The following EYS variants were observed in gnomAD, a reference collection of about 807,000 sequenced individuals.
EYS encodes EGF-like photoreceptor maintenance factor, also known as protein eyes shut homolog.
Under a neutral mutation model 282.1 loss-of-function variants are expected in EYS, and 250 were observed. That is an observed-to-expected ratio of 0.89 (90% CI 0.80 to 0.98). The LOEUF (loss-of-function observed/expected upper bound fraction) is 0.98. Among genes scored for constraint, EYS ranks in the 50% least tolerant of loss-of-function variants. The pLI is 0.00. For missense variants in EYS, 4,016 were observed against 3,709.0 expected, an observed-to-expected ratio of 1.08 and a Z score of -2.15; for synonymous variants, 1,355 against 1,282.9, an observed-to-expected ratio of 1.06 and a Z score of -1.20.
rs367630559 is a variant in EYS at position 64,598,213 on chromosome 6, C to A, written c.3685-4904G>T. On this transcript the variant is annotated intron_variant, in intron 24 of 42. Coordinates refer to ENST00000503581, the MANE Select transcript of EYS (RefSeq NM_001142800.2). ...TGGTGGCTCACGCCTGTAATCCCAG[C>A]ACTTTGGGAGGCCCAGGTGGGCGGA... Among the ~76,000 whole-genome samples the A allele has an allele frequency of 3.3e-5, 5 of 152,332 alleles. No individual in the cohort carries two copies. The Middle Eastern group carries it at 0.014, about 415-fold the overall frequency.
chr6:64,127,281 A>G (rs1773817585), intron 31 of EYS, among the ~76,000 whole-genome samples: 1 of 152,204 alleles, frequency 6.6e-6, no homozygotes, highest in South Asian at 2.1e-4. Context: ...ACAGTATTGT[A>G]TGGGTATAAT....
chr6:65,518,673 A>G (rs1767231889), intron 2 of EYS, among the ~76,000 whole-genome samples: 1 of 152,170 alleles, frequency 6.6e-6, no homozygotes, highest in South Asian at 2.1e-4. Context: ...ATAAGTGTAT[A>G]TTAGTAGGTT....
Position 64,442,083 on chromosome 6 carries a change from GT to G in EYS, c.5645-2732del, listed in dbSNP as rs1258010134. On this transcript the variant is annotated intron_variant, in intron 26 of 42. Transcript: ENST00000503581. ...AAAGTTTGGAATTCCCTAGAGACTT[GT>G]TGAATGGCTTTGACCAAAATGCTGA... 2.0e-5 allele frequency among the ~76,000 whole-genome samples: 3 copies of G among 152,288 alleles called. No homozygotes were observed. In the South Asian group the frequency reaches 6.2e-4, roughly 32 times the overall value.
chr6:63,860,004 A>T (rs1772494461), intron 36 of EYS, among the ~76,000 whole-genome samples: 1 of 152,228 alleles, frequency 6.6e-6, no homozygotes, highest in Non-Finnish European at 1.5e-5. Context: ...GCAAAAAGGC[A>T]AAGTCCCAGA....
At chr6:65,055,078 G>C (rs1773374782) in intron 13 of EYS, among the ~76,000 whole-genome samples, 1 of 151,940 alleles carries the variant, frequency 6.6e-6, no homozygotes, top group African/African-American at 2.4e-5. Context: ...ACCTTATGGG[G>C]TCAACCAATC....
At chr6:65,065,549 T>A (rs1307680410) in intron 12 of EYS, among the ~76,000 whole-genome samples, 1 of 100,428 alleles carries the variant, frequency 1.0e-5, no homozygotes, top group East Asian at 2.5e-4. Context: ...CGCCTGGCTA[T>A]TTTTTTTTTT....
intron 35 of EYS, among the ~76,000 whole-genome samples, chr6:63,983,121 A>G (rs6934646): frequency 0.35 from 52,674 of 151,460 alleles, 9,211 homozygotes; most frequent in South Asian, 0.38. Context: ...GATAACGTTC[A>G]CTCTTAGCCC....
intron 14 of EYS, among the ~76,000 whole-genome samples, chr6:64,953,055 T>A (rs886718801): frequency 2.6e-5 from 4 of 151,912 alleles, no homozygotes; most frequent in African/African-American, 9.6e-5. Flanking sequence ...AAGACTTTTT[T>A]AAAAGAATTC....
At chr6:64,107,188 C>T (rs1773044121) in intron 31 of EYS, among the ~76,000 whole-genome samples, 1 of 147,134 alleles carries the variant, frequency 6.8e-6, no homozygotes, top group East Asian at 2.0e-4. Flanking sequence ...GATGTTTGTA[C>T]AGTCCCTTCA....
At chr6:65,150,672 AT>A (rs36138380) in intron 12 of EYS, among the ~76,000 whole-genome samples, 1 of 146,342 alleles carries the variant, frequency 6.8e-6, no homozygotes, top group Non-Finnish European at 1.5e-5. Flanking sequence ...ACTTTTTCTT[AT>A]TTTTTATCAT....
intron 29 of EYS, among the ~76,000 whole-genome samples, chr6:64,326,220 AAG>A (rs1770417145): frequency 6.6e-6 from 1 of 152,208 alleles, no homozygotes; most frequent in South Asian, 2.1e-4. Context: ...CTCAAGTTAA[AAG>A]AGAATATTAA....
chr6:65,422,346 A>T (rs1006966073), intron 5 of EYS, among the ~76,000 whole-genome samples: 1 of 151,944 alleles, frequency 6.6e-6, no homozygotes, highest in African/African-American at 2.4e-5. Flanking sequence ...CCCATGACTG[A>T]CTAAAGTTGG....
chr6:65,133,195 A>C (rs79125654), intron 12 of EYS, among the ~76,000 whole-genome samples: 6,778 of 152,138 alleles, frequency 0.045, 277 homozygotes, highest in African/African-American at 0.11. Context: ...TCTTCACAGA[A>C]CTAGAAGAAA....
intron 31 of EYS, among the ~76,000 whole-genome samples, chr6:64,120,962 T>C (rs1052934273): frequency 1.3e-5 from 2 of 152,214 alleles, no homozygotes; most frequent in Non-Finnish European, 2.9e-5. Context: ...CTTGCATTTG[T>C]AGGAGAGAAG....
At chr6:64,679,587 A>G (rs1020563812) in intron 22 of EYS, among the ~76,000 whole-genome samples, 10 of 152,076 alleles carry the variant, frequency 6.6e-5, no homozygotes, top group African/African-American at 1.9e-4. Context: ...ATTTAATGTG[A>G]TCATGTTAAA....
intron 7 of EYS, among the ~76,000 whole-genome samples, chr6:65,385,891 G>C (rs987876202): frequency 6.6e-6 from 1 of 151,890 alleles, no homozygotes; most frequent in African/African-American, 2.4e-5. Flanking sequence ...TTGAGGATGA[G>C]CATGTAATAG....
chr6:64,887,491 C>A (rs1767134984), intron 18 of EYS, among the ~76,000 whole-genome samples: 2 of 151,928 alleles, frequency 1.3e-5, no homozygotes, highest in African/African-American at 4.8e-5. Context: ...CTGATCGAAA[C>A]TGTATACTTA....
chr6:64,730,403 C>A (rs1771918692), intron 22 of EYS, among the ~76,000 whole-genome samples: 1 of 152,164 alleles, frequency 6.6e-6, no homozygotes, highest in African/African-American at 2.4e-5. Flanking sequence ...TGCTAGATGA[C>A]CTATATTTGC....
intron 31 of EYS, among the ~76,000 whole-genome samples, chr6:64,174,761 TC>T: frequency 6.6e-6 from 1 of 152,096 alleles, no homozygotes; most frequent in East Asian, 1.9e-4. Flanking sequence ...AGATAATACC[TC>T]ACTAAAATGC....
Sources: allele counts gnomAD v4.1 joint callset (sites outside exome capture counted in the v4.1 genomes callset), GRCh38; gene constraint gnomAD v4.1.1; transcripts MANE v1.5; gene names NCBI Gene and HGNC (gene_info 2026-07-23, HGNC 2026-07-21).